The following MATN2 variants were observed in gnomAD, a reference collection of about 807,000 sequenced individuals.
MATN2 encodes the protein matrilin 2, also known as matrilin-2.
In MATN2, 69 loss-of-function variants were observed where a neutral mutation model predicts 103.2. The observed-to-expected ratio is 0.67, with a 90% CI of 0.55 to 0.82. The LOEUF (loss-of-function observed/expected upper bound fraction) is 0.82. Ranked by LOEUF, MATN2 falls within the 40% of genes least tolerant of loss-of-function variation. The probability of loss-of-function intolerance (pLI) is 0.00; values close to 1 mark genes in which losing one functional copy is unlikely to be tolerated. For missense variants in MATN2, 1,023 were observed against 1,211.5 expected (o/e 0.84, Z 2.31); for synonymous variants, 429 against 450.2 (o/e 0.95, Z 0.60).
Position 98,027,667 on chromosome 8 carries a change from T to A in MATN2, c.2194T>A (p.Ser732Thr). The A allele has an allele frequency of 6.2e-7, 1 of 1,613,886 alleles. No homozygotes were observed. The change falls in exon 14 of 19, where the codon TCT becomes ACT. Residue 732 changes from serine to threonine, a missense_variant. Transcript: ENST00000254898. Reference protein sequence around the residue: ...VAHMKYMGKGSMTGLALKHMF... With the variant: ...VAHMKYMGKGTMTGLALKHMF... ...CCACATGAAATACATGGGAAAGGGC[T>A]CTATGACTGGGCTGGCCCTGAAACA...
At chr8:97,971,426 A>G (rs1285614585) in intron 5 of MATN2, among the ~76,000 whole-genome samples, 1 of 152,104 alleles carries the variant, frequency 6.6e-6, no homozygotes, top group Non-Finnish European at 1.5e-5. Flanking sequence ...CAATTCCAGC[A>G]CCAGAGTTCC....
At chr8:97,923,553 C>G (rs1218809627) in intron 2 of MATN2, among the ~76,000 whole-genome samples, 1 of 122,252 alleles carries the variant, frequency 8.2e-6, no homozygotes, top group African/African-American at 2.9e-5. Context: ...CTCTCTCTCT[C>G]TCTCTGTCTC....
At chr8:97,902,309 AACAT>A (rs1454077370) in intron 2 of MATN2, among the ~76,000 whole-genome samples, 1 of 151,706 alleles carries the variant, frequency 6.6e-6, no homozygotes. Flanking sequence ...CAGTCTGGCC[AACAT>A]GGTGAAACCC....
intron 2 of MATN2, among the ~76,000 whole-genome samples, chr8:97,901,658 C>A (rs1818987362): frequency 6.6e-6 from 1 of 152,180 alleles, no homozygotes; most frequent in South Asian, 2.1e-4. Flanking sequence ...CTTTGGGTGC[C>A]AAGGATACTG....
intron 6 of MATN2, among the ~76,000 whole-genome samples, chr8:97,988,189 T>TATATGTATATATATATACACACAC (rs71570279): frequency 1.8e-5 from 1 of 54,962 alleles, no homozygotes; most frequent in Non-Finnish European, 3.7e-5. Context: ...TATATATATA[T>TATATGTATATATATATACACACAC]ACACACACAC....
At chr8:98,018,280 C>T (rs1813444436) in intron 12 of MATN2, among the ~76,000 whole-genome samples, 164 bp downstream of exon 12, 1 of 152,142 alleles carries the variant, frequency 6.6e-6, no homozygotes, top group Non-Finnish European at 1.5e-5. Flanking sequence ...TCAGTAGCCC[C>T]TTGCTTTTTC....
chr8:97,894,644 A>G (rs1419964823), intron 2 of MATN2, among the ~76,000 whole-genome samples: 3 of 152,042 alleles, frequency 2.0e-5, no homozygotes, highest in East Asian at 3.9e-4. Context: ...CACAGCCCCA[A>G]ATTCTGCTCT....
At chr8:98,035,192 T>C (rs1030771473) in intron 18 of MATN2, among the ~76,000 whole-genome samples, 1 of 152,040 alleles carries the variant, frequency 6.6e-6, no homozygotes, top group African/African-American at 2.4e-5. Flanking sequence ...ACCCCACCTC[T>C]ACTAAAAATA....
intron 11 of MATN2, among the ~76,000 whole-genome samples, chr8:98,017,094 TCTGTGG>T (rs2130418007): frequency 6.6e-6 from 1 of 152,318 alleles, no homozygotes; most frequent in South Asian, 2.1e-4. Context: ...ACTTATATGC[TCTGTGG>T]CAAGAAACAG....
chr8:97,949,790 T>C (rs1400065589), intron 4 of MATN2, among the ~76,000 whole-genome samples: 1 of 152,214 alleles, frequency 6.6e-6, no homozygotes, highest in Non-Finnish European at 1.5e-5. Context: ...TACACTGCAA[T>C]ACACGCATCC....
At chr8:97,886,541 T>C (rs1449056219) in intron 1 of MATN2, among the ~76,000 whole-genome samples, 1 of 152,230 alleles carries the variant, frequency 6.6e-6, no homozygotes, top group Admixed American at 6.5e-5. Flanking sequence ...ACATAGGAGA[T>C]GCTGAATAAA....
chr8:98,032,257 T>A lies in MATN2; in HGVS notation c.2521T>A (p.Ser841Thr), dbSNP rs375073171. 12 of 1,611,510 alleles carry A rather than the reference T, an allele frequency of 7.4e-6. No individual in the cohort carries two copies. Among genetic ancestry groups the A allele is most frequent in the Non-Finnish European group, 1.0e-5 (12 of 1,178,786 alleles). Residue 841 changes from serine to threonine, a missense_variant, in exon 16 of 19, where the codon TCC becomes ACC. Coordinates refer to ENST00000254898, the MANE Select transcript of MATN2 (RefSeq NM_002380.5). Reference sequence around the variant, plus strand: ...CTTTTTCTGCTCAGCTCTAGAAGACTCCGATGGAAGACAGGACTCTCCAGC... The same window carrying A: ...CTTTTTCTGCTCAGCTCTAGAAGACACCGATGGAAGACAGGACTCTCCAGC... ...KKGICEALED[S>T]DGRQDSPAGE...
At chr8:97,879,984 G>A (rs1203832797) in intron 1 of MATN2, among the ~76,000 whole-genome samples, 1 of 152,048 alleles carries the variant, frequency 6.6e-6, no homozygotes, top group African/African-American at 2.4e-5. Flanking sequence ...TGAACTCATA[G>A]AACAGTTGGT....
intron 2 of MATN2, among the ~76,000 whole-genome samples, chr8:97,898,592 C>G (rs1234652649): frequency 1.4e-5 from 2 of 145,334 alleles, no homozygotes; most frequent in African/African-American, 5.1e-5. Context: ...AGTGAAACTC[C>G]TTCTCAAAAA....
chr8:98,011,607 G>A (rs1239469957), intron 10 of MATN2, among the ~76,000 whole-genome samples: 1 of 152,210 alleles, frequency 6.6e-6, no homozygotes, highest in African/African-American at 2.4e-5. Flanking sequence ...CCTATATTAA[G>A]TTAGCAAAGG....
At chr8:97,896,216 C>A (rs1357578400) in intron 2 of MATN2, among the ~76,000 whole-genome samples, 1 of 152,190 alleles carries the variant, frequency 6.6e-6, no homozygotes, top group Non-Finnish European at 1.5e-5. Context: ...TCTTGATTAA[C>A]CTTCTTAGCA....
chr8:97,919,981 G>C (rs1478682840), intron 2 of MATN2, among the ~76,000 whole-genome samples: 1 of 152,202 alleles, frequency 6.6e-6, no homozygotes, highest in Non-Finnish European at 1.5e-5. Flanking sequence ...CAGAGGGCAT[G>C]CCTAGCAGAG....
intron 1 of MATN2, among the ~76,000 whole-genome samples, chr8:97,871,294 G>C (rs1230461653): frequency 6.6e-6 from 1 of 152,220 alleles, no homozygotes; most frequent in African/African-American, 2.4e-5. Flanking sequence ...CCTAAGAGAG[G>C]GCAAGGAGTG....
intron 4 of MATN2, among the ~76,000 whole-genome samples, chr8:97,947,926 A>T (rs947464130): frequency 1.2e-4 from 18 of 152,226 alleles, no homozygotes; most frequent in African/African-American, 4.1e-4. Context: ...GAGAGCTTCC[A>T]ATCACAACAT....
Sources: allele counts gnomAD v4.1 joint callset (sites outside exome capture counted in the v4.1 genomes callset), GRCh38; gene constraint gnomAD v4.1.1; transcripts MANE v1.5; gene names NCBI Gene and HGNC (gene_info 2026-07-23, HGNC 2026-07-21).